The following SCFD2 variants were observed in gnomAD, a reference collection of about 807,000 sequenced individuals.
SCFD2 encodes sec1 family domain containing 2.
Under a neutral mutation model 58.9 loss-of-function variants are expected in SCFD2, and 54 were observed. The ratio of observed to expected loss-of-function variants is 0.92; its 90% CI spans 0.74 to 1.15. The LOEUF is 1.15. Ranked by LOEUF, SCFD2 falls within the 50% of genes most tolerant of loss-of-function variation. The probability of loss-of-function intolerance (pLI) is 0.00; values close to 1 mark genes in which losing one functional copy is unlikely to be tolerated. For synonymous variants in SCFD2, 321 were observed against 335.9 expected (o/e 0.96, Z 0.49); for missense variants, 805 against 836.6 (o/e 0.96, Z 0.47).
intron 5 of SCFD2, among the ~76,000 whole-genome samples, chr4:52,927,348 T>A (rs1213625503): frequency 6.6e-6 from 1 of 152,086 alleles, no homozygotes; most frequent in East Asian, 1.9e-4. Flanking sequence ...AGTTCTTTTT[T>A]AAAAAACATT....
intron 4 of SCFD2, among the ~76,000 whole-genome samples, chr4:53,251,459 A>G (rs1730376663): frequency 6.6e-6 from 1 of 152,204 alleles, no homozygotes; most frequent in Admixed American, 6.5e-5. Context: ...AATATCCTTG[A>G]TGAACATTGA....
intron 2 of SCFD2, among the ~76,000 whole-genome samples, chr4:53,347,939 C>T (rs539927625): frequency 4.6e-5 from 7 of 152,276 alleles, no homozygotes; most frequent in African/African-American, 1.7e-4. Context: ...GCAAGTAGGG[C>T]ATCAGGTGAA....
At chr4:52,942,208 A>G (rs1314917704) in intron 5 of SCFD2, among the ~76,000 whole-genome samples, 1 of 152,224 alleles carries the variant, frequency 6.6e-6, no homozygotes, top group African/African-American at 2.4e-5. Flanking sequence ...GTCAAAGAAA[A>G]AGGAAAACAG....
At chr4:52,959,868 C>G (rs184928634) in intron 5 of SCFD2, among the ~76,000 whole-genome samples, 18 of 143,238 alleles carry the variant, frequency 1.3e-4, no homozygotes, top group Non-Finnish European at 7.7e-5. Flanking sequence ...GGGAGGGAGG[C>G]AGGGAGGAAG....
chr4:53,353,181 T>G (rs1734284089), intron 1 of SCFD2, among the ~76,000 whole-genome samples: 2 of 152,202 alleles, frequency 1.3e-5, no homozygotes. Flanking sequence ...GGTGGGTTCG[T>G]GGTCTCGCTG....
At chr4:53,086,668 G>T (rs1325357684) in intron 5 of SCFD2, among the ~76,000 whole-genome samples, 1 of 152,136 alleles carries the variant, frequency 6.6e-6, no homozygotes, top group East Asian at 1.9e-4. Context: ...AAGCAAATGT[G>T]GCAAATATAT....
chr4:52,978,278 C>T (rs1047466447), intron 5 of SCFD2, among the ~76,000 whole-genome samples: 1 of 152,148 alleles, frequency 6.6e-6, no homozygotes, highest in Non-Finnish European at 1.5e-5. Context: ...AGGGACTGTG[C>T]TCGCAGGTCT....
At chr4:52,934,527 T>C (rs1192335484) in intron 5 of SCFD2, among the ~76,000 whole-genome samples, 2 of 152,162 alleles carry the variant, frequency 1.3e-5, no homozygotes, top group Non-Finnish European at 2.9e-5. Context: ...GTCTGGTTTG[T>C]TTGTTGTGAA....
intron 7 of SCFD2, among the ~76,000 whole-genome samples, chr4:52,898,545 C>T (rs901136367): frequency 2.0e-5 from 3 of 152,148 alleles, no homozygotes; most frequent in African/African-American, 4.8e-5. Flanking sequence ...TGTTCTTTTA[C>T]ATTTGCTGAG....
chr4:53,217,278 T>A (rs552129019), intron 4 of SCFD2, among the ~76,000 whole-genome samples: 1 of 152,288 alleles, frequency 6.6e-6, no homozygotes, highest in Non-Finnish European at 1.5e-5. Flanking sequence ...TGTGTGGGAG[T>A]CTAAGTCTCT....
At chr4:52,986,656 G>A (rs1002912060) in intron 5 of SCFD2, among the ~76,000 whole-genome samples, 3 of 151,530 alleles carry the variant, frequency 2.0e-5, no homozygotes, top group Admixed American at 6.6e-5. Flanking sequence ...CCACCACCAC[G>A]CTCGGCTAAA....
At chr4:52,966,123 C>T (rs940166431) in intron 5 of SCFD2, among the ~76,000 whole-genome samples, 1 of 152,196 alleles carries the variant, frequency 6.6e-6, no homozygotes, top group African/African-American at 2.4e-5. Flanking sequence ...TTTATGGAGA[C>T]ACACCAGGCC....
chr4:53,007,937 G>A (rs1350001036), intron 5 of SCFD2, among the ~76,000 whole-genome samples: 2 of 152,208 alleles, frequency 1.3e-5, no homozygotes, highest in African/African-American at 4.8e-5. Flanking sequence ...TCCTTAAGAA[G>A]ATGAACATGA....
In SCFD2 at chr4:53,255,927, C is replaced by T. The variant is rs1248352380; in HGVS notation, c.1311+17899G>A. Among the ~76,000 whole-genome samples the T allele has an allele frequency of 9.9e-3, 1,451 of 146,280 alleles. 23 individuals carry two copies. The highest frequency in any genetic ancestry group is 0.034 in the African/African-American group (1,369 of 39,988). On this transcript the variant is annotated intron_variant, in intron 4 of 8. Transcript: ENST00000401642. ...CCCAGTAGGGGCGGCCGGGCAGAGG[C>T]GCCCCTCACCTCCCGGATGGGGTGG...
chr4:52,889,086 G>A (rs900494271), intron 7 of SCFD2, among the ~76,000 whole-genome samples: 9 of 152,238 alleles, frequency 5.9e-5, no homozygotes, highest in Middle Eastern at 3.4e-3. Flanking sequence ...CCCAGATGAC[G>A]TTCTATTCAT....
intron 5 of SCFD2, among the ~76,000 whole-genome samples, chr4:52,970,466 G>C: frequency 6.6e-6 from 1 of 152,322 alleles, no homozygotes; most frequent in African/African-American, 2.4e-5. Context: ...AGCGAGGCTC[G>C]GGGAGGGGCA....
chr4:53,218,683 G>A (rs562124017), intron 4 of SCFD2, among the ~76,000 whole-genome samples: 104 of 152,298 alleles, frequency 6.8e-4, no homozygotes, highest in African/African-American at 2.4e-3. Flanking sequence ...CGTTGCTGGC[G>A]ACGAGCTGCA....
At chr4:52,973,517 G>A (rs1000924781) in intron 5 of SCFD2, among the ~76,000 whole-genome samples, 1 of 152,174 alleles carries the variant, frequency 6.6e-6, no homozygotes, top group Admixed American at 6.5e-5. Flanking sequence ...TGAAATTGAG[G>A]CAATAATTAA....
At chr4:53,267,419 T>A (rs1274615103) in intron 4 of SCFD2, among the ~76,000 whole-genome samples, 1 of 152,190 alleles carries the variant, frequency 6.6e-6, no homozygotes, top group Non-Finnish European at 1.5e-5. Context: ...ACAAAGAGCA[T>A]TCCGATGATC....
Sources: gnomAD v4.1 joint callset for allele counts (sites outside exome capture counted in the v4.1 genomes callset) on GRCh38, gnomAD v4.1.1 for gene constraint, MANE v1.5 for transcripts, NCBI Gene and HGNC (gene_info 2026-07-23, HGNC 2026-07-21) for gene names.